The following AUTS2 variants were observed in gnomAD, a reference collection of about 807,000 sequenced individuals.
AUTS2 encodes the protein autism susceptibility gene 2 protein.
A neutral mutation model predicts 112.4 loss-of-function variants in AUTS2; 17 were observed. The ratio of observed to expected loss-of-function variants is 0.15; its 90% CI spans 0.10 to 0.23. AUTS2 has a LOEUF of 0.23. AUTS2 is among the 10% of genes least tolerant of loss of function. The pLI is 1.00. For missense variants in AUTS2, 1,510 were observed against 1,701.6 expected (o/e 0.89, Z 1.98); for synonymous variants, 751 against 702.7 (o/e 1.07, Z -1.09).
At chr7:70,723,998 TCTC>T (rs1223025310) in intron 6 of AUTS2, among the ~76,000 whole-genome samples, 1 of 151,916 alleles carries the variant, frequency 6.6e-6, no homozygotes, top group African/African-American at 2.4e-5. Flanking sequence ...TTCAAGCAGT[TCTC>T]CTGCCTCAGC....
At chr7:69,920,835 C>G (rs779706082) in intron 2 of AUTS2, among the ~76,000 whole-genome samples, 4 of 152,116 alleles carry the variant, frequency 2.6e-5, no homozygotes, top group Non-Finnish European at 5.9e-5. Context: ...TGAGAGATGT[C>G]AGAGGAATAT....
intron 1 of AUTS2, among the ~76,000 whole-genome samples, chr7:69,708,654 A>G (rs1405258379): frequency 6.6e-6 from 1 of 152,238 alleles, no homozygotes; most frequent in Non-Finnish European, 1.5e-5. Flanking sequence ...CAGAGTTAGT[A>G]TGCCATCGTG....
At chr7:70,358,545 G>T (rs1298122073) in intron 4 of AUTS2, among the ~76,000 whole-genome samples, 2 of 152,240 alleles carry the variant, frequency 1.3e-5, no homozygotes, top group East Asian at 3.9e-4. Context: ...AGCATGGCCT[G>T]CCCTTGGGAG....
chr7:70,382,945 G>A (rs1019315314), intron 4 of AUTS2, among the ~76,000 whole-genome samples: 14 of 152,116 alleles, frequency 9.2e-5, no homozygotes, highest in Non-Finnish European at 1.6e-4. Context: ...ATCTGGTTTT[G>A]AACATCCCTC....
At chr7:69,682,462 G>A (rs947218150) in intron 1 of AUTS2, among the ~76,000 whole-genome samples, 2 of 152,182 alleles carry the variant, frequency 1.3e-5, no homozygotes, top group African/African-American at 4.8e-5. Context: ...GGTGACCTGA[G>A]TAAGATCATT....
At chr7:70,743,852 T>G (rs746339189) in intron 6 of AUTS2, among the ~76,000 whole-genome samples, 1 of 152,158 alleles carries the variant, frequency 6.6e-6, no homozygotes, top group Non-Finnish European at 1.5e-5. Flanking sequence ...TCATGACCCA[T>G]TGGCCATGGT....
intron 4 of AUTS2, among the ~76,000 whole-genome samples, chr7:70,356,861 A>G (rs903422294): frequency 1.3e-5 from 2 of 152,194 alleles, no homozygotes; most frequent in Non-Finnish European, 1.5e-5. Context: ...ATTTCCATCT[A>G]GTAAAAATTT....
intron 4 of AUTS2, among the ~76,000 whole-genome samples, chr7:70,154,786 C>T (rs1361579714): frequency 6.6e-6 from 1 of 152,200 alleles, no homozygotes; most frequent in East Asian, 1.9e-4. Context: ...AGGAGATCAG[C>T]TGGATCAGCC....
chr7:70,304,830 C>T (rs1288265902), intron 4 of AUTS2, among the ~76,000 whole-genome samples: 1 of 149,548 alleles, frequency 6.7e-6, no homozygotes, highest in East Asian at 2.0e-4. Context: ...GATGCTCAAC[C>T]TATAATACCC....
At chr7:69,741,969 A>T (rs1475370644) in intron 1 of AUTS2, among the ~76,000 whole-genome samples, 1 of 151,806 alleles carries the variant, frequency 6.6e-6, no homozygotes, top group Non-Finnish European at 1.5e-5. Flanking sequence ...TAATTTAAAA[A>T]ATTTCTATTT....
intron 2 of AUTS2, among the ~76,000 whole-genome samples, chr7:70,100,710 T>TA (rs1027879993): frequency 6.6e-6 from 1 of 152,048 alleles, no homozygotes; most frequent in African/African-American, 2.4e-5. Context: ...TAGATAGATT[T>TA]AAAAACATTT....
intron 4 of AUTS2, among the ~76,000 whole-genome samples, chr7:70,320,692 T>C (rs1790213849): frequency 6.6e-6 from 1 of 152,082 alleles, no homozygotes. Flanking sequence ...AAGTGTGCCT[T>C]GGAAGAAAAG....
intron 4 of AUTS2, among the ~76,000 whole-genome samples, chr7:70,348,897 A>G (rs1024371934): frequency 6.6e-6 from 1 of 152,266 alleles, no homozygotes; most frequent in Non-Finnish European, 1.5e-5. Flanking sequence ...ACGCTTTTCT[A>G]AGGTCTAAAT....
At chr7:69,960,085 A>G (rs747647102) in intron 2 of AUTS2, among the ~76,000 whole-genome samples, 1 of 152,078 alleles carries the variant, frequency 6.6e-6, no homozygotes, top group Non-Finnish European at 1.5e-5. Context: ...GTGATTTTTC[A>G]TTTTGTCAGA....
intron 1 of AUTS2, among the ~76,000 whole-genome samples, chr7:69,649,650 A>C (rs559521707): frequency 6.6e-6 from 1 of 152,152 alleles, no homozygotes; most frequent in African/African-American, 2.4e-5. Flanking sequence ...TAGTGGATAC[A>C]TGTGAATTAT....
At chr7:70,754,179 A>T (rs925840595) in intron 6 of AUTS2, among the ~76,000 whole-genome samples, 6 of 151,576 alleles carry the variant, frequency 4.0e-5, no homozygotes, top group African/African-American at 1.2e-4. Flanking sequence ...ATAAAATAAA[A>T]TAAAATAAAA....
chr7:69,983,893 T>C (rs1422085923), intron 2 of AUTS2, among the ~76,000 whole-genome samples: 1 of 152,216 alleles, frequency 6.6e-6, no homozygotes, highest in South Asian at 2.1e-4. Context: ...TAAACCCTTA[T>C]AAACCCTTAT....
chr7:70,543,960 G>C (rs1418611825), intron 5 of AUTS2, among the ~76,000 whole-genome samples: 1 of 152,142 alleles, frequency 6.6e-6, no homozygotes, highest in African/African-American at 2.4e-5. Flanking sequence ...TCAGGCTTTG[G>C]TGAATTAGAC....
intron 5 of AUTS2, among the ~76,000 whole-genome samples, chr7:70,525,265 C>T (rs544864115): frequency 5.1e-4 from 77 of 152,252 alleles, no homozygotes; most frequent in East Asian, 1.7e-3. Flanking sequence ...CTTTTTCTCA[C>T]GACTCAGGTT....
Sources: allele counts gnomAD v4.1 joint callset (sites outside exome capture counted in the v4.1 genomes callset), GRCh38; gene constraint gnomAD v4.1.1; transcripts MANE v1.5; gene names NCBI Gene and HGNC (gene_info 2026-07-23, HGNC 2026-07-21).